The following THSD4 variants were observed in gnomAD, a reference collection of about 807,000 sequenced individuals.
The protein encoded by THSD4 is thrombospondin type-1 domain-containing protein 4.
THSD4 carries 69 observed loss-of-function variants against 119.0 expected under a neutral mutation model. The ratio of observed to expected loss-of-function variants is 0.58; its 90% CI spans 0.48 to 0.71. THSD4 has a LOEUF of 0.71. Ranked by LOEUF, THSD4 falls within the 30% of genes least tolerant of loss-of-function variation. The probability of loss-of-function intolerance (pLI) is 0.00; values close to 1 mark genes in which losing one functional copy is unlikely to be tolerated. For synonymous variants in THSD4, 524 were observed against 540.4 expected (o/e 0.97, Z 0.42); for missense variants, 1,393 against 1,391.1 (o/e 1.00, Z -0.02).
chr15:71,503,586 T>C (rs942339119), intron 7 of THSD4, among the ~76,000 whole-genome samples: 27 of 152,130 alleles, frequency 1.8e-4, no homozygotes, highest in Non-Finnish European at 5.9e-5. Flanking sequence ...TGAGAAAGCC[T>C]TGACTAGCAG....
chr15:71,119,558 G>A (rs776995107), intron 1 of THSD4, among the ~76,000 whole-genome samples: 56 of 152,280 alleles, frequency 3.7e-4, no homozygotes, highest in Non-Finnish European at 3.4e-4. Context: ...CTTTTGGCCC[G>A]AGGGGTCTTT....
chr15:71,278,223 T>C (rs2044613630), intron 6 of THSD4, among the ~76,000 whole-genome samples: 1 of 152,136 alleles, frequency 6.6e-6, no homozygotes, highest in South Asian at 2.1e-4. Context: ...TGAGACAGGG[T>C]CTCACTCTGT....
intron 7 of THSD4, among the ~76,000 whole-genome samples, chr15:71,439,020 C>G (rs1316162698): frequency 2.6e-5 from 4 of 152,104 alleles, no homozygotes. Flanking sequence ...AGATCAAGAT[C>G]TCATGGACAG....
At chr15:71,370,956 G>C (rs938749451) in intron 6 of THSD4, among the ~76,000 whole-genome samples, 2 of 152,160 alleles carry the variant, frequency 1.3e-5, no homozygotes, top group African/African-American at 4.8e-5. Flanking sequence ...TATGAATCTG[G>C]TTGCTCCTGT....
intron 7 of THSD4, among the ~76,000 whole-genome samples, chr15:71,524,623 G>T (rs1191925911): frequency 9.5e-6 from 1 of 105,806 alleles, no homozygotes; most frequent in African/African-American, 3.6e-5. Flanking sequence ...TTTGAGACGA[G>T]TCTCTATCTG....
At chr15:71,393,004 A>G (rs1020343231) in intron 6 of THSD4, among the ~76,000 whole-genome samples, 5 of 152,198 alleles carry the variant, frequency 3.3e-5, no homozygotes, top group Admixed American at 1.3e-4. Context: ...TGCAGCCACA[A>G]GGGAACCTCC....
At chr15:71,114,410 G>A (rs952763839), upstream of THSD4, among the ~76,000 whole-genome samples, 1 of 152,132 alleles carries the variant, frequency 6.6e-6, no homozygotes, top group Non-Finnish European at 1.5e-5. Flanking sequence ...TAGAGGCAGC[G>A]ATAAACAAAC....
intron 8 of THSD4, among the ~76,000 whole-genome samples, chr15:71,725,297 A>G (rs919183289): frequency 5.9e-5 from 9 of 151,484 alleles, no homozygotes; most frequent in Non-Finnish European, 1.0e-4. Context: ...CTTAGACAAG[A>G]CATCTGACTA....
intron 3 of THSD4, among the ~76,000 whole-genome samples, chr15:71,191,023 T>C (rs556040085): frequency 6.6e-6 from 1 of 152,230 alleles, no homozygotes. Context: ...TTCTCTTTGT[T>C]CTCCCTGAAT....
intron 8 of THSD4, among the ~76,000 whole-genome samples, chr15:71,689,478 T>C (rs1224020801): frequency 2.0e-5 from 3 of 152,198 alleles, no homozygotes; most frequent in African/African-American, 7.2e-5. Context: ...AAGGAGATCA[T>C]GTTGTATAAA....
chr15:71,393,471 G>C (rs1234465803), intron 6 of THSD4, among the ~76,000 whole-genome samples: 1 of 152,036 alleles, frequency 6.6e-6, no homozygotes, highest in Non-Finnish European at 1.5e-5. Flanking sequence ...GGTGAGCCTT[G>C]GTTCCCAGGC....
At chr15:71,115,091 C>T (rs1326973580), upstream of THSD4, 1 of 152,602 alleles carries the variant, frequency 6.6e-6, no homozygotes, top group Non-Finnish European at 1.5e-5. This position sits in a 1 kb window ranked among gnomAD's most constrained non-coding sequence, Gnocchi z 4.4. Flanking sequence ...TGCCCGCGTC[C>T]GTCCCCTGCC....
chr15:71,243,704 T>G (rs1303285160), intron 5 of THSD4, among the ~76,000 whole-genome samples: 1 of 152,170 alleles, frequency 6.6e-6, no homozygotes, highest in African/African-American at 2.4e-5. Flanking sequence ...CAATAAATAT[T>G]TATTGATTTT....
At chr15:71,224,555 T>C (rs573332609) in intron 4 of THSD4, among the ~76,000 whole-genome samples, 85 of 152,284 alleles carry the variant, frequency 5.6e-4, no homozygotes, top group African/African-American at 2.0e-3. Flanking sequence ...TTCCCATTGA[T>C]GTTGGAAAAC....
At position 71,586,102 on chromosome 15, in the gene THSD4, A is replaced by G. The variant is rs1044642915; in HGVS notation, c.1153-74428A>G. On this transcript the variant is annotated intron_variant, in intron 7 of 17. Coordinates refer to ENST00000261862, the MANE Select transcript of THSD4 (RefSeq NM_024817.3). ...CTTTAGGGTTGGTTACTGATGTTCT[A>G]TTAGTTTATTTTGGCGGTGTCATTT... Among the ~76,000 whole-genome samples the G allele has an allele frequency of 5.9e-5, 9 of 152,062 alleles. No individual in the cohort carries two copies. The South Asian group carries it at 8.3e-4, about 14-fold the overall frequency.
chr15:71,276,492 A>G (rs1240721467), intron 6 of THSD4, among the ~76,000 whole-genome samples: 2 of 152,156 alleles, frequency 1.3e-5, no homozygotes, highest in Admixed American at 6.5e-5. Flanking sequence ...GCTTGGAAAC[A>G]AGGAATGTTA....
chr15:71,436,897 C>T (rs2047021004), intron 7 of THSD4, among the ~76,000 whole-genome samples: 1 of 152,126 alleles, frequency 6.6e-6, no homozygotes, highest in South Asian at 2.1e-4. Context: ...CTCTTGGGCC[C>T]ACAGAGCAGA....
chr15:71,277,272 C>T (rs910342904), intron 6 of THSD4, among the ~76,000 whole-genome samples: 1 of 151,902 alleles, frequency 6.6e-6, no homozygotes, highest in Non-Finnish European at 1.5e-5. Flanking sequence ...ATTACAGGCG[C>T]CCGCCACCAC....
intron 6 of THSD4, among the ~76,000 whole-genome samples, chr15:71,376,717 G>A (rs2046141732): frequency 6.6e-6 from 1 of 152,168 alleles, no homozygotes; most frequent in African/African-American, 2.4e-5. Flanking sequence ...CAGGTGATGG[G>A]ACCAGTATAA....
Sources: allele counts gnomAD v4.1 joint callset (sites outside exome capture counted in the v4.1 genomes callset), GRCh38; gene constraint gnomAD v4.1.1; non-coding constraint Gnocchi (gnomAD v3.1); transcripts MANE v1.5; gene names NCBI Gene and HGNC (gene_info 2026-07-23, HGNC 2026-07-21).